COL26A1: variants seen among roughly 807,000 people sequenced by gnomAD.
The protein encoded by COL26A1 is collagen alpha-1(XXVI) chain.
Under a neutral mutation model 59.3 loss-of-function variants are expected in COL26A1, and 41 were observed. That is an observed-to-expected ratio of 0.69 (90% CI 0.54 to 0.90). The LOEUF (loss-of-function observed/expected upper bound fraction) is 0.90, where lower values mean the gene tolerates loss of function less well. COL26A1 is among the 40% of genes least tolerant of loss of function. The pLI, the probability that COL26A1 is intolerant of heterozygous loss-of-function variation, is 0.00. For missense variants in COL26A1, 612 were observed against 602.3 expected (o/e 1.02, Z -0.17); for synonymous variants, 266 against 256.0 (o/e 1.04, Z -0.37).
chr7:101,522,592 CAG>C (rs1033892325), intron 3 of COL26A1, among the ~76,000 whole-genome samples: 5 of 152,214 alleles, frequency 3.3e-5, no homozygotes, highest in African/African-American at 1.2e-4. Context: ...GGACTTAAGA[CAG>C]AGATCAGGAA....
intron 2 of COL26A1, among the ~76,000 whole-genome samples, chr7:101,438,944 C>T (rs550989435): frequency 5.6e-5 from 8 of 143,682 alleles, no homozygotes; most frequent in Non-Finnish European, 1.3e-4. Context: ...TCCCAAATTG[C>T]TGGGATTACA....
At chr7:101,493,849 C>T (rs996829927) in intron 3 of COL26A1, among the ~76,000 whole-genome samples, 6 of 145,544 alleles carry the variant, frequency 4.1e-5, no homozygotes, top group Non-Finnish European at 3.0e-5. Context: ...AGGAGAATGG[C>T]GGGAACCCGG....
chr7:101,491,123 A>G (rs933710442), intron 3 of COL26A1, among the ~76,000 whole-genome samples: 8 of 151,660 alleles, frequency 5.3e-5, no homozygotes, highest in African/African-American at 1.9e-4. Flanking sequence ...GTGAGCCTCA[A>G]TTTTCTCACC....
At chr7:101,476,431 G>A (rs189433152) in intron 3 of COL26A1, among the ~76,000 whole-genome samples, 1 of 152,040 alleles carries the variant, frequency 6.6e-6, no homozygotes, top group Non-Finnish European at 1.5e-5. Context: ...CTATAAAATA[G>A]AATAAGAGCT....
intron 2 of COL26A1, among the ~76,000 whole-genome samples, chr7:101,441,603 C>T (rs1337632159): frequency 6.6e-6 from 1 of 152,222 alleles, no homozygotes; most frequent in Non-Finnish European, 1.5e-5. Context: ...CAGGCGTGAG[C>T]CACCGTGCCC....
intron 3 of COL26A1, among the ~76,000 whole-genome samples, chr7:101,449,991 G>A (rs374042297): frequency 6.6e-5 from 10 of 152,166 alleles, no homozygotes; most frequent in African/African-American, 2.4e-4. Flanking sequence ...GGGCATAGTG[G>A]TGGGCGCCTG....
At chr7:101,439,641 C>G (rs1793003080) in intron 2 of COL26A1, among the ~76,000 whole-genome samples, 1 of 151,346 alleles carries the variant, frequency 6.6e-6, no homozygotes, top group Admixed American at 6.6e-5. Context: ...ACCTGCGAGG[C>G]CAGGGAGGAC....
chr7:101,403,729 A>G (rs904371155), intron 1 of COL26A1, among the ~76,000 whole-genome samples: 10 of 152,084 alleles, frequency 6.6e-5, no homozygotes, highest in African/African-American at 2.4e-4. Flanking sequence ...CCACATTTTA[A>G]AACAGCTTTT....
At chr7:101,392,400 T>C (rs1452745372) in intron 1 of COL26A1, among the ~76,000 whole-genome samples, 3 of 143,130 alleles carry the variant, frequency 2.1e-5, no homozygotes, top group African/African-American at 7.7e-5. Flanking sequence ...AACCAGGCTT[T>C]TTTTTTTTTT....
intron 1 of COL26A1, among the ~76,000 whole-genome samples, chr7:101,395,855 TGCAGCCTTGGGGTTGTCGAGGGTC>T (rs1467366737): frequency 6.6e-6 from 1 of 152,206 alleles, no homozygotes; most frequent in East Asian, 1.9e-4. Flanking sequence ...CTCTGGAGGC[TGCAGCCTTGGGGTTGTCGAGGGTC>T]TCAGCCTTGG....
chr7:101,363,131 G>A lies in COL26A1; in HGVS notation c.99G>A (p.Gln33=), dbSNP rs1345356552. The A allele has an allele frequency of 2.0e-6, 3 of 1,523,946 alleles. No homozygotes were observed. The highest frequency in any genetic ancestry group is 5.2e-5 in the East Asian group (2 of 38,164). 94.4% of individuals were successfully genotyped at this position (1,523,946 alleles called of 1,614,324 possible). The change falls in exon 1 of 13, where the codon CAG becomes CAA. Residue 33 remains glutamine (Q), a synonymous_variant. Transcript: ENST00000313669. ...FLYPFSAAAL[Q]QHGYPEPGAG... ...ATCCCTTCTCGGCCGCAGCTCTGCA[G>A]CAGCACGGCTACCCCGAGCCCGGCG...
At chr7:101,364,289 G>A (rs1401735952) in intron 1 of COL26A1, among the ~76,000 whole-genome samples, 1 of 152,122 alleles carries the variant, frequency 6.6e-6, no homozygotes, top group Non-Finnish European at 1.5e-5. Context: ...CTATGACAGC[G>A]CTCTGGAATG....
At chr7:101,545,227 T>G (rs1795707570) in intron 6 of COL26A1, 111 bp from the exon 7 acceptor site, 1 of 964,062 alleles carries the variant, frequency 1.0e-6, no homozygotes, top group Admixed American at 3.1e-5. Context: ...TGACTGCCTG[T>G]GGGCCCCTGA....
intron 5 of COL26A1, among the ~76,000 whole-genome samples, chr7:101,541,547 T>A (rs1795618156): frequency 6.6e-6 from 1 of 151,208 alleles, no homozygotes; most frequent in Non-Finnish European, 1.5e-5. Context: ...AGACGAGGTC[T>A]CACTGCGTTG....
intron 1 of COL26A1, among the ~76,000 whole-genome samples, chr7:101,407,376 G>C (rs1562965599): frequency 6.6e-6 from 1 of 152,080 alleles, no homozygotes; most frequent in South Asian, 2.1e-4. Flanking sequence ...TTCTTCTAGA[G>C]AGGGCAGGTC....
chr7:101,510,780 A>G (rs1794904338), intron 3 of COL26A1, among the ~76,000 whole-genome samples: 1 of 152,200 alleles, frequency 6.6e-6, no homozygotes, highest in Non-Finnish European at 1.5e-5. Context: ...TTGGCCTCCC[A>G]GAACATTGGG....
intron 2 of COL26A1, among the ~76,000 whole-genome samples, chr7:101,431,346 A>T (rs1792774346): frequency 6.6e-6 from 1 of 151,700 alleles, no homozygotes; most frequent in Non-Finnish European, 1.5e-5. Flanking sequence ...TGCAGCCTCG[A>T]CCTCCTGGGC....
intron 1 of COL26A1, among the ~76,000 whole-genome samples, chr7:101,388,570 CT>C (rs542807870): frequency 1.3e-3 from 175 of 139,140 alleles, no homozygotes; most frequent in Middle Eastern, 3.6e-3. Flanking sequence ...CACCTATTTT[CT>C]TTTTTTTTTT....
chr7:101,522,025 T>A (rs1285027295), intron 3 of COL26A1, among the ~76,000 whole-genome samples: 1 of 152,284 alleles, frequency 6.6e-6, no homozygotes, highest in East Asian at 1.9e-4. Context: ...TAATAGGAAT[T>A]TGGGCTGTTT....
Sources: gnomAD v4.1 joint callset for allele counts (sites outside exome capture counted in the v4.1 genomes callset) on GRCh38, gnomAD v4.1.1 for gene constraint, MANE v1.5 for transcripts, NCBI Gene and HGNC (gene_info 2026-07-23, HGNC 2026-07-21) for gene names.